TJAP1: variants seen among roughly 807,000 people sequenced by gnomAD.
The protein encoded by TJAP1 is tight junction associated protein 1.
Under a neutral mutation model 42.0 loss-of-function variants are expected in TJAP1, and 27 were observed. That is an observed-to-expected ratio of 0.64 (90% confidence interval 0.47 to 0.89). The LOEUF (loss-of-function observed/expected upper bound fraction) is 0.89. Ranked by LOEUF, TJAP1 falls within the 40% of genes least tolerant of loss-of-function variation. TJAP1 has a pLI of 0.00. For missense variants in TJAP1, 712 were observed against 726.9 expected (o/e 0.98, Z 0.24); for synonymous variants, 257 against 288.4 (o/e 0.89, Z 1.10).
At chr6:43,502,108 T>C (rs1241127244) in intron 6 of TJAP1, among the ~76,000 whole-genome samples, 175 bp from the exon 7 acceptor site, 1 of 150,416 alleles carries the variant, frequency 6.6e-6, no homozygotes, top group African/African-American at 2.5e-5. Context: ...TCTCTCTCTC[T>C]CTCCTTTCAT....
Position 43,492,302 on chromosome 6 carries a change from G to A in TJAP1, c.-121-5579G>A, listed in dbSNP as rs1160194619. The stretch of plus-strand genomic sequence containing the variant: ...TGGTTTAGAGTAGGCAGGGGGCCAG[G>A]TCAGGGCTGCAGGCAACTTGTCCCA... On this transcript the variant is annotated intron_variant, in intron 2 of 10. Transcript: ENST00000372449. This position sits in a 1 kb window ranked among gnomAD's most constrained non-coding sequence, Gnocchi z 4.2. Among the ~76,000 whole-genome samples the A allele has an allele frequency of 6.6e-6, 1 of 152,164 alleles. No homozygotes were observed. Among genetic ancestry groups the A allele is most frequent in the Non-Finnish European group, 1.5e-5 (1 of 68,040 alleles).
rs1788000818 is a variant in TJAP1 at position 43,492,363 on chromosome 6, G to A, written c.-121-5518G>A. ...GTTGTACTTGCCCAGAGGGGTGGCG[G>A]GCATAGCTGTTGGAGGGGCAGCAGG... is the stretch of plus-strand genomic sequence containing the variant. On this transcript the variant is annotated intron_variant, in intron 2 of 10. Transcript: ENST00000372449. This position sits in a 1 kb window ranked among gnomAD's most constrained non-coding sequence, Gnocchi z 4.2. Among the ~76,000 whole-genome samples the A allele has an allele frequency of 6.6e-6, 1 of 152,192 alleles. No individual in the cohort carries two copies.
Position 43,505,139 on chromosome 6 carries a change from T to C in TJAP1, c.958T>C (p.Ser320Pro), listed in dbSNP as rs570954296. The stretch of plus-strand genomic sequence containing the variant: ...GAAGCTGAACCCCTACCCAACCCCG[T>C]CTCCACCACACCCACTGTATCCTGG... The change falls in exon 11 of 11, where the codon TCT becomes CCT. Residue 320 changes from serine (S) to proline (P), a missense_variant. Ser to Pro is a moderately conservative substitution (Grantham distance 74, BLOSUM62 -1). Coordinates refer to ENST00000372449, the Ensembl canonical transcript of TJAP1. The surrounding 1 kb of genome is among the most constrained non-coding windows in gnomAD (Gnocchi z 5.5). The C allele has an allele frequency of 2.5e-6, 4 of 1,614,030 alleles. No homozygotes were observed. In the South Asian group the frequency reaches 3.3e-5, roughly 13 times the overall value.
intron 2 of TJAP1, among the ~76,000 whole-genome samples, chr6:43,480,935 CAG>C (rs1040791216): frequency 2.6e-5 from 4 of 152,142 alleles, no homozygotes; most frequent in African/African-American, 9.7e-5. Context: ...TAGTAAGTGA[CAG>C]AGCTGGTATT....
In TJAP1 at chr6:43,492,859, CTG is replaced by C. The variant is rs1297390751; in HGVS notation, c.-121-5021_-121-5020del. ...CCAGACTTGTGTGGCGGGAGTGTAGCTGACCCCCACTGGGGCACAGCTTCCCA... is the reference window on the plus strand; with the variant it reads ...CCAGACTTGTGTGGCGGGAGTGTAGCACCCCCACTGGGGCACAGCTTCCCA... On this transcript the variant is annotated intron_variant, in intron 2 of 10. Coordinates refer to ENST00000372449, the Ensembl canonical transcript of TJAP1. The surrounding 1 kb of genome is among the most constrained non-coding windows in gnomAD (Gnocchi z 4.2). Among the ~76,000 whole-genome samples the C allele has an allele frequency of 6.6e-6, 1 of 152,138 alleles. No individual in the cohort carries two copies. The highest frequency in any genetic ancestry group is 1.9e-4 in the East Asian group (1 of 5,194).
chr6:43,506,054 A>G, exon 11 of TJAP1: 1 of 450,634 alleles, frequency 2.2e-6, no homozygotes, highest in Non-Finnish European at 3.7e-6. Flanking sequence ...AGCTTGCCTC[A>G]TGGTTTTCCC....
chr6:43,499,506 A>G (rs905217072), intron 4 of TJAP1, among the ~76,000 whole-genome samples: 1 of 152,256 alleles, frequency 6.6e-6, no homozygotes, highest in African/African-American at 2.4e-5. Context: ...ACTTCCCACC[A>G]GCACAGCTGC....
At chr6:43,501,711 C>T (rs866843005) in intron 6 of TJAP1, 24 bp downstream of exon 6, 1 of 57,932 alleles carries the variant, frequency 1.7e-5, no homozygotes, top group Non-Finnish European at 4.7e-5. Flanking sequence ...GGGCCAGACA[C>T]ACACACACAC....
Position 43,505,204 on chromosome 6 carries a change from C to G in TJAP1, c.1023C>G (p.Ile341Met). The change falls in exon 11 of 11, where the codon ATC becomes ATG. Residue 341 changes from isoleucine (I) to methionine (M), a missense_variant. Coordinates refer to ENST00000372449, the Ensembl canonical transcript of TJAP1. This position sits in a 1 kb window ranked among gnomAD's most constrained non-coding sequence, Gnocchi z 5.5. Reference sequence around the variant, plus strand: ...AGTTCTCTGAGGATAAGGTTCGGATCCCCCGCAACAGCCCCCTGCCCAACT... The same window carrying G: ...AGTTCTCTGAGGATAAGGTTCGGATGCCCCGCAACAGCCCCCTGCCCAACT... 6.2e-7 allele frequency: 1 copy of G among 1,614,158 alleles called. No homozygotes were observed. Among genetic ancestry groups the G allele is most frequent in the Non-Finnish European group, 8.5e-7 (1 of 1,180,018 alleles).
chr6:43,504,737 C>G, intron 10 of TJAP1, 24 bp from the exon 11 acceptor site: 2 of 1,599,662 alleles, frequency 1.3e-6, no homozygotes, highest in Non-Finnish European at 1.7e-6. Context: ...ATTGATGTCT[C>G]TCTTTCCTGC....
At chr6:43,504,780 A>G in exon 11 of TJAP1, 1 of 1,613,538 alleles carries the variant, frequency 6.2e-7, no homozygotes, top group Non-Finnish European at 8.5e-7. Context: ...GAGCTACAGG[A>G]CATGGTTCGG....
At chr6:43,497,499 T>G (rs1789481195) in intron 2 of TJAP1, 1 of 152,300 alleles carries the variant, frequency 6.6e-6, no homozygotes, top group Admixed American at 6.5e-5. Flanking sequence ...TTTCCTGGTG[T>G]TCTCATTTGT....
chr6:43,503,700 T>A, exon 10 of TJAP1: 1 of 1,614,088 alleles, frequency 6.2e-7, no homozygotes. Context: ...ACCACAAGTT[T>A]GCCGATGTGA....
At chr6:43,503,939 CAG>C (rs1166906549) in intron 10 of TJAP1, 5 of 697,190 alleles carry the variant, frequency 7.2e-6, no homozygotes, top group Middle Eastern at 2.3e-4. Flanking sequence ...GTAACAGAGA[CAG>C]AGAGAGAAGA....
rs1303950403 is a variant in TJAP1, at chr6:43,495,226, T to G, written c.-121-2655T>G. Among the ~76,000 whole-genome samples, 2 of 152,242 alleles carry G rather than the reference T, an allele frequency of 1.3e-5. No homozygotes were observed. Among genetic ancestry groups the G allele is most frequent in the African/African-American group, 4.8e-5 (2 of 41,456 alleles). On this transcript the variant is annotated intron_variant, in intron 2 of 10. Transcript: ENST00000372449. The surrounding 1 kb of genome is among the most constrained non-coding windows in gnomAD (Gnocchi z 4.6). Reference sequence around the variant, plus strand: ...ACCTTCTCCCAGCTTGCAGGCCAAGTGTCCCGATGCTTCTCTCTTTGTTAT... The same window carrying G: ...ACCTTCTCCCAGCTTGCAGGCCAAGGGTCCCGATGCTTCTCTCTTTGTTAT...
chr6:43,487,009 A>T (rs191315099), intron 2 of TJAP1, among the ~76,000 whole-genome samples: 1 of 152,292 alleles, frequency 6.6e-6, no homozygotes, highest in African/African-American at 2.4e-5. Flanking sequence ...TATGTTAAGC[A>T]GAGAGGGGGT....
At chr6:43,503,847 A>G (rs1791566998) in intron 10 of TJAP1, 141 bp downstream of exon 10, 1 of 768,978 alleles carries the variant, frequency 1.3e-6, no homozygotes. Flanking sequence ...CTCTCAAGCC[A>G]GTCAACTCTG....
rs542203793 is a variant in TJAP1 at position 43,505,408 on chromosome 6, C to A, written c.1227C>A (p.Asp409Glu). Residue 409 changes from aspartate (D) to glutamate (E), a missense_variant, in exon 11 of 11, where the codon GAC becomes GAA. Asp to Glu is a conservative substitution (Grantham distance 45). Transcript: ENST00000372449. This position sits in a 1 kb window ranked among gnomAD's most constrained non-coding sequence, Gnocchi z 5.5. ...CTAGCTCTGCCAGCTCTGAAGAGGACCTGCTGGTCAGCTGGCAGCGGGCAT... is the reference window on the plus strand; with the variant it reads ...CTAGCTCTGCCAGCTCTGAAGAGGAACTGCTGGTCAGCTGGCAGCGGGCAT... 1 of 1,612,332 alleles carries A rather than the reference C, an allele frequency of 6.2e-7. No homozygotes were observed. The highest frequency in any genetic ancestry group is 1.3e-5 in the African/African-American group (1 of 75,038).
chr6:43,487,612 C>G (rs1467190126), intron 2 of TJAP1, among the ~76,000 whole-genome samples: 1 of 151,964 alleles, frequency 6.6e-6, no homozygotes, highest in African/African-American at 2.4e-5. Context: ...CCATAAGCAT[C>G]AAAGGAAATA....
Sources: allele counts gnomAD v4.1 joint callset (sites outside exome capture counted in the v4.1 genomes callset), GRCh38; gene constraint gnomAD v4.1.1; non-coding constraint Gnocchi (gnomAD v3.1); transcripts MANE v1.5; gene names NCBI Gene and HGNC (gene_info 2026-07-23, HGNC 2026-07-21).